NLRP8: variants seen among roughly 807,000 people sequenced by gnomAD.
The protein encoded by NLRP8 is NLR family pyrin domain containing 8.
A neutral mutation model predicts 88.7 loss-of-function variants in NLRP8; 86 were observed. The ratio of observed to expected loss-of-function variants is 0.97; its 90% CI spans 0.81 to 1.16. The LOEUF (loss-of-function observed/expected upper bound fraction) is 1.16. Among genes scored for constraint, NLRP8 ranks in the 50% most tolerant of loss-of-function variants. NLRP8 has a pLI of 0.00. For synonymous variants in NLRP8, 504 were observed against 494.6 expected (o/e 1.02, Z -0.25); for missense variants, 1,342 against 1,286.5 (o/e 1.04, Z -0.66).
At chr19:55,967,192 C>T (rs764579512) in intron 5 of NLRP8, among the ~76,000 whole-genome samples, 5 of 152,072 alleles carry the variant, frequency 3.3e-5, no homozygotes, top group South Asian at 2.1e-4. Context: ...CGTTTATGCC[C>T]GAGGCTGCAA....
At chr19:55,952,273 T>C (rs1389510625) in intron 1 of NLRP8, among the ~76,000 whole-genome samples, 1 of 152,192 alleles carries the variant, frequency 6.6e-6, no homozygotes, top group Non-Finnish European at 1.5e-5. Flanking sequence ...TCTCCCTCAG[T>C]GTCTGGCTGG....
intron 6 of NLRP8, among the ~76,000 whole-genome samples, chr19:55,972,035 G>A (rs924606223): frequency 3.8e-4 from 57 of 151,144 alleles, no homozygotes; most frequent in African/African-American, 1.2e-3. Flanking sequence ...TTCCTCAGCC[G>A]TCTCCTTGTC....
At chr19:55,958,647 A>G (rs993068229) in intron 3 of NLRP8, among the ~76,000 whole-genome samples, 1 of 152,192 alleles carries the variant, frequency 6.6e-6, no homozygotes, top group Non-Finnish European at 1.5e-5. Flanking sequence ...AAAGCTGAAT[A>G]TATTTGCTAC....
chr19:55,982,535 C>G (rs562960929), intron 9 of NLRP8, among the ~76,000 whole-genome samples: 3 of 152,254 alleles, frequency 2.0e-5, no homozygotes, highest in Non-Finnish European at 2.9e-5. Flanking sequence ...TTCTAAGTAC[C>G]GTTCCTCATT....
intron 1 of NLRP8, among the ~76,000 whole-genome samples, chr19:55,950,586 A>G (rs1470694762): frequency 1.3e-5 from 2 of 152,208 alleles, no homozygotes; most frequent in Non-Finnish European, 2.9e-5. Context: ...CAACGCAGCA[A>G]AAAAATCGAG....
At chr19:55,961,793 G>A (rs1288883255) in intron 3 of NLRP8, among the ~76,000 whole-genome samples, 2 of 152,148 alleles carry the variant, frequency 1.3e-5, no homozygotes, top group Non-Finnish European at 2.9e-5. Flanking sequence ...GTGATACCTT[G>A]TCTCAAATAT....
At chr19:55,949,927 C>T (rs140401186) in intron 1 of NLRP8, among the ~76,000 whole-genome samples, 4 of 152,002 alleles carry the variant, frequency 2.6e-5, no homozygotes, top group Non-Finnish European at 5.9e-5. Flanking sequence ...ATAAGGCAGC[C>T]TAGGAAGTCC....
intron 2 of NLRP8, among the ~76,000 whole-genome samples, chr19:55,952,930 AT>A (rs1296774034): frequency 6.6e-6 from 1 of 152,152 alleles, no homozygotes; most frequent in East Asian, 1.9e-4. Flanking sequence ...CTCAAAAAAA[AT>A]AATAAAATAA....
At chr19:55,983,698 CAT>C (rs1443963122) in intron 9 of NLRP8, among the ~76,000 whole-genome samples, 3 of 151,212 alleles carry the variant, frequency 2.0e-5, no homozygotes, top group African/African-American at 7.3e-5. Flanking sequence ...AAATGGATAT[CAT>C]GTGCCTGTGG....
chr19:55,962,699 G>C (rs578095953), intron 4 of NLRP8, among the ~76,000 whole-genome samples: 2 of 152,142 alleles, frequency 1.3e-5, no homozygotes, highest in Non-Finnish European at 2.9e-5. Flanking sequence ...AGGATCACCC[G>C]AGCCCAGGAG....
chr19:55,974,531 GA>G (rs1202413332), intron 7 of NLRP8, among the ~76,000 whole-genome samples: 1 of 151,958 alleles, frequency 6.6e-6, no homozygotes, highest in Non-Finnish European at 1.5e-5. Flanking sequence ...GGAGGATCAC[GA>G]GGTCAGGAGA....
chr19:55,975,846 A>G (rs1358421437), intron 7 of NLRP8, among the ~76,000 whole-genome samples: 1 of 152,146 alleles, frequency 6.6e-6, no homozygotes, highest in Non-Finnish European at 1.5e-5. Context: ...AAATATTCCA[A>G]ACCGAACTTA....
At chr19:55,972,870 G>C (rs1016903429) in intron 6 of NLRP8, among the ~76,000 whole-genome samples, 1 of 150,024 alleles carries the variant, frequency 6.7e-6, no homozygotes, top group Middle Eastern at 3.5e-3. Flanking sequence ...TTGTTTTATG[G>C]GCATTTGGGC....
At chr19:55,972,935 G>A (rs1980146307) in intron 6 of NLRP8, among the ~76,000 whole-genome samples, 1 of 151,968 alleles carries the variant, frequency 6.6e-6, no homozygotes, top group South Asian at 2.1e-4. Context: ...GTGTGTGTAA[G>A]TATCTTTTTC....
In NLRP8 at chr19:55,954,745, A is replaced by T; in HGVS notation, c.687A>T (p.Arg229Ser). The change falls in exon 3 of 10, where the codon AGA (arginine) becomes AGT (serine). Residue 229 changes from arginine (R) to serine (S), a missense_variant. By Grantham distance (110) the Arg-to-Ser change is moderately radical (BLOSUM62 -1). Coordinates refer to ENST00000291971, the MANE Select transcript of NLRP8 (RefSeq NM_176811.2). Reference sequence around the variant, plus strand: ...AAAAGGTGATGTTTGAGTGGGCCAGAAACAAGTTCTACGCCCACAAGCGCT... The same window carrying T: ...AAAAGGTGATGTTTGAGTGGGCCAGTAACAAGTTCTACGCCCACAAGCGCT... The T allele has an allele frequency of 6.2e-7, 1 of 1,614,178 alleles. No homozygotes were observed. Among genetic ancestry groups the T allele is most frequent in the Non-Finnish European group, 8.5e-7 (1 of 1,180,042 alleles).
At chr19:55,974,721 G>A (rs1980229549) in intron 7 of NLRP8, among the ~76,000 whole-genome samples, 1 of 149,046 alleles carries the variant, frequency 6.7e-6, no homozygotes, top group East Asian at 2.0e-4. Context: ...GGGCGACAGA[G>A]TGAGACTCTG....
At chr19:55,953,799 T>TC (rs1164412084) in intron 2 of NLRP8, among the ~76,000 whole-genome samples, 1 of 135,360 alleles carries the variant, frequency 7.4e-6, no homozygotes, top group African/African-American at 2.8e-5. Context: ...GGCCTTTTTT[T>TC]TTTTTTTTTT....
rs768282327 is a variant in NLRP8 at position 55,955,298 on chromosome 19, AACAATCTCACACAGTC to A, written c.1242_1257del (p.Asn415ValfsTer50). The stretch of plus-strand genomic sequence containing the variant: ...TCTGAAACAGCAAATGGAGAGAGGA[AACAATCTCACACAGTC>A]ATGTCCAAATGCCACCTCTGTGTTC... On this transcript the variant is annotated frameshift_variant, in exon 3 of 10. Transcript: ENST00000291971. LOFTEE classifies it high-confidence loss of function. 1 of 1,614,166 alleles carries A rather than the reference AACAATCTCACACAGTC, an allele frequency of 6.2e-7. No individual in the cohort carries two copies. Among genetic ancestry groups the A allele is most frequent in the South Asian group, 1.1e-5 (1 of 91,076 alleles).
chr19:55,969,522 T>C (rs2123211284), intron 5 of NLRP8, among the ~76,000 whole-genome samples: 1 of 152,326 alleles, frequency 6.6e-6, no homozygotes, highest in South Asian at 2.1e-4. Flanking sequence ...GGTACTTAAG[T>C]GGGTTCCATA....
Sources: allele counts gnomAD v4.1 joint callset (sites outside exome capture counted in the v4.1 genomes callset), GRCh38; gene constraint gnomAD v4.1.1; transcripts MANE v1.5; gene names NCBI Gene and HGNC (gene_info 2026-07-23, HGNC 2026-07-21).